Variants in PTPRD observed in about 807,000 individuals in gnomAD.
The protein encoded by PTPRD is protein tyrosine phosphatase receptor type D, also known as receptor-type tyrosine-protein phosphatase delta.
PTPRD carries 34 observed loss-of-function variants against 214.5 expected under a neutral mutation model. The observed-to-expected ratio is 0.16, with a 90% CI of 0.12 to 0.21. The LOEUF (loss-of-function observed/expected upper bound fraction) is 0.21, where lower values mean the gene tolerates loss of function less well. Ranked by LOEUF, PTPRD falls within the 10% of genes least tolerant of loss-of-function variation. The pLI is 1.00. For synonymous variants in PTPRD, 1,128 were observed against 845.7 expected, an observed-to-expected ratio of 1.33 and a Z score of -5.79; for missense variants, 2,545 against 2,398.7, an observed-to-expected ratio of 1.06 and a Z score of -1.27.
At chr9:9,572,112 A>G (rs760201312) in intron 8 of PTPRD, among the ~76,000 whole-genome samples, 56 of 151,440 alleles carry the variant, frequency 3.7e-4, no homozygotes, top group Non-Finnish European at 7.4e-4. Flanking sequence ...ATCAAAATAT[A>G]TCATCCAGAG....
intron 12 of PTPRD, among the ~76,000 whole-genome samples, chr9:8,700,102 G>C (rs2098039104): frequency 1.3e-5 from 2 of 152,100 alleles, no homozygotes; most frequent in African/African-American, 4.8e-5. Context: ...TATCCCATGG[G>C]CCATTTCAAA....
At chr9:10,055,599 G>T (rs2097618768) in intron 3 of PTPRD, among the ~76,000 whole-genome samples, 1 of 151,806 alleles carries the variant, frequency 6.6e-6, no homozygotes, top group African/African-American at 2.4e-5. Flanking sequence ...GATATATGGG[G>T]GCAATTATCA....
At chr9:10,196,111 C>G (rs1303845756) in intron 3 of PTPRD, among the ~76,000 whole-genome samples, 1 of 152,110 alleles carries the variant, frequency 6.6e-6, no homozygotes, top group Non-Finnish European at 1.5e-5. Context: ...AAATATGAGA[C>G]TATATACACT....
intron 5 of PTPRD, among the ~76,000 whole-genome samples, chr9:9,929,429 C>T (rs879289977): frequency 4.6e-5 from 7 of 152,126 alleles, no homozygotes; most frequent in African/African-American, 1.7e-4. Context: ...TCTCACTACT[C>T]TGTCACCAGG....
chr9:9,074,940 T>A (rs1356738200), intron 10 of PTPRD, among the ~76,000 whole-genome samples: 2 of 151,886 alleles, frequency 1.3e-5, no homozygotes, highest in Non-Finnish European at 2.9e-5. Flanking sequence ...TCCTATCATG[T>A]ACCTTATCAC....
At chr9:9,574,541 A>C (rs1286799176) in intron 8 of PTPRD, among the ~76,000 whole-genome samples, 191 bp downstream of exon 8, 1 of 152,058 alleles carries the variant, frequency 6.6e-6, no homozygotes, top group East Asian at 1.9e-4. Context: ...GACTATATCA[A>C]ATAACTGTAT....
At chr9:9,468,243 T>C (rs186335261) in intron 8 of PTPRD, among the ~76,000 whole-genome samples, 7 of 152,184 alleles carry the variant, frequency 4.6e-5, no homozygotes, top group Admixed American at 4.6e-4. Context: ...AATTTATATA[T>C]ATTTAGAAAC....
At chr9:10,068,098 A>G (rs2097917016) in intron 3 of PTPRD, among the ~76,000 whole-genome samples, 1 of 151,972 alleles carries the variant, frequency 6.6e-6, no homozygotes, top group South Asian at 2.1e-4. Flanking sequence ...CAACAGGTCT[A>G]TTGAAATTAC....
intron 3 of PTPRD, among the ~76,000 whole-genome samples, chr9:10,287,668 G>A (rs1479770326): frequency 6.6e-6 from 1 of 152,002 alleles, no homozygotes; most frequent in Non-Finnish European, 1.5e-5. Context: ...CTACTGGGCA[G>A]GATTTTCTTG....
At chr9:9,392,775 C>T (rs34708006) in intron 9 of PTPRD, among the ~76,000 whole-genome samples, 39,871 of 151,860 alleles carry the variant, frequency 0.26, 5,310 homozygotes, top group Middle Eastern at 0.29. Flanking sequence ...TCTATGATGT[C>T]TCTTCAACAA....
chr9:8,329,594 G>C (rs76937104), intron 44 of PTPRD, among the ~76,000 whole-genome samples: 2 of 152,098 alleles, frequency 1.3e-5, no homozygotes, highest in Non-Finnish European at 2.9e-5. Flanking sequence ...GGATGTTTAC[G>C]TCTGCTGAAG....
intron 9 of PTPRD, among the ~76,000 whole-genome samples, chr9:9,260,809 T>C (rs1184638128): frequency 2.0e-5 from 3 of 151,904 alleles, no homozygotes; most frequent in Non-Finnish European, 2.9e-5. Flanking sequence ...CCCTGTTCTC[T>C]TTAGGACAAA....
chr9:8,997,436 G>C (rs1016623217), intron 11 of PTPRD, among the ~76,000 whole-genome samples: 1 of 151,930 alleles, frequency 6.6e-6, no homozygotes, highest in African/African-American at 2.4e-5. Flanking sequence ...TGCGATCACT[G>C]ATCTCTGATG....
At chr9:8,497,373 A>T (rs1217907356) in intron 25 of PTPRD, 105 bp from the exon 26 acceptor site, 5 of 932,224 alleles carry the variant, frequency 5.4e-6, no homozygotes, top group Non-Finnish European at 7.7e-6. Context: ...AAATCAAAAA[A>T]ATAAAGCAGT....
At chr9:9,066,419 T>C (rs989380455) in intron 10 of PTPRD, among the ~76,000 whole-genome samples, 1 of 152,210 alleles carries the variant, frequency 6.6e-6, no homozygotes, top group Non-Finnish European at 1.5e-5. Context: ...AATTTGGCCA[T>C]CTTTTAATTA....
chr9:9,888,862 G>C (rs1043416329), intron 5 of PTPRD, among the ~76,000 whole-genome samples: 1 of 152,106 alleles, frequency 6.6e-6, no homozygotes, highest in Non-Finnish European at 1.5e-5. Context: ...ATTTCATTGA[G>C]CCAGCACCAA....
At chr9:10,380,467 G>T (rs543478632) in intron 2 of PTPRD, among the ~76,000 whole-genome samples, 1 of 152,076 alleles carries the variant, frequency 6.6e-6, no homozygotes, top group African/African-American at 2.4e-5. Context: ...CATCAGAAAG[G>T]TTTATTTAGC....
chr9:9,519,003 A>C (rs1041572084), intron 8 of PTPRD, among the ~76,000 whole-genome samples: 3 of 152,036 alleles, frequency 2.0e-5, no homozygotes, highest in Non-Finnish European at 4.4e-5. Context: ...AATTTTAAAG[A>C]ATTGAAATAA....
At chr9:9,390,092 G>A (rs1272621302) in intron 9 of PTPRD, among the ~76,000 whole-genome samples, 1 of 152,166 alleles carries the variant, frequency 6.6e-6, no homozygotes, top group East Asian at 1.9e-4. Context: ...TGTTATGTGA[G>A]AAAGCACTCC....
Sources: gnomAD v4.1 joint callset for allele counts (sites outside exome capture counted in the v4.1 genomes callset) on GRCh38, gnomAD v4.1.1 for gene constraint, MANE v1.5 for transcripts, NCBI Gene and HGNC (gene_info 2026-07-23, HGNC 2026-07-21) for gene names.